The following PCSK5 variants were observed in gnomAD, a reference collection of about 807,000 sequenced individuals.
PCSK5 encodes prohormone convertase 5.
Under a neutral mutation model 233.2 loss-of-function variants are expected in PCSK5, and 129 were observed. The observed-to-expected ratio is 0.55, with a 90% CI of 0.48 to 0.64. The LOEUF (loss-of-function observed/expected upper bound fraction) is 0.64. Ranked by LOEUF, PCSK5 falls within the 30% of genes least tolerant of loss-of-function variation. PCSK5 has a pLI of 0.00. For missense variants in PCSK5, 2,076 were observed against 2,430.1 expected (o/e 0.85, Z 3.06); for synonymous variants, 825 against 879.2 (o/e 0.94, Z 1.09).
chr9:76,219,129 T>G (rs995811203), intron 20 of PCSK5, among the ~76,000 whole-genome samples: 1 of 152,142 alleles, frequency 6.6e-6, no homozygotes. Context: ...GGTATGCAGC[T>G]CCTCCTCTCT....
At chr9:76,006,809 C>T (rs17668141) in intron 3 of PCSK5, among the ~76,000 whole-genome samples, 46,864 of 151,938 alleles carry the variant, frequency 0.31, 7,699 homozygotes, top group Non-Finnish European at 0.38. Context: ...AAAATGTTTT[C>T]TAGAGGCTTG....
intron 2 of PCSK5, among the ~76,000 whole-genome samples, chr9:75,933,472 A>G (rs188514338): frequency 9.1e-4 from 139 of 152,352 alleles, no homozygotes; most frequent in African/African-American, 3.1e-3. Flanking sequence ...ACCAGTGCGC[A>G]TAGCAATCTC....
intron 5 of PCSK5, among the ~76,000 whole-genome samples, chr9:76,049,832 T>A (rs529949832): frequency 1.3e-5 from 2 of 152,356 alleles, no homozygotes; most frequent in South Asian, 4.1e-4. Context: ...TATAATATCA[T>A]CTTTCTCCAT....
chr9:76,025,575 A>G (rs1156351853), intron 4 of PCSK5, among the ~76,000 whole-genome samples: 3 of 152,074 alleles, frequency 2.0e-5, no homozygotes, highest in Non-Finnish European at 4.4e-5. Flanking sequence ...TTTACCCCGC[A>G]TCTGTATTCC....
In PCSK5 at chr9:76,310,803, G is replaced by T; in HGVS notation, c.3836G>T (p.Gly1279Val). ...TGCAAAAAATGCCAGATGCAGCCGG[G>T]CCACCCTCTCTTCCTCCATGAAGGC... ...DLCKKCQMQP[G>V]HPLFLHEGRC... The change falls in exon 30 of 38, where the codon GGC becomes GTC. Residue 1279 changes from glycine (G) to valine (V), a missense_variant. Around this residue, in one of 6 missense-constraint regions of PCSK5, gnomAD observed 1,510 missense variants for 1,538.1 expected, o/e 0.98. Coordinates refer to ENST00000674117, the MANE Select transcript of PCSK5 (RefSeq NM_001372043.1). The T allele has an allele frequency of 6.2e-7, 1 of 1,611,076 alleles. No homozygotes were observed. Among genetic ancestry groups the T allele is most frequent in the South Asian group, 1.1e-5 (1 of 90,650 alleles).
At chr9:76,106,900 G>T (rs1052008813) in intron 8 of PCSK5, among the ~76,000 whole-genome samples, 1 of 152,208 alleles carries the variant, frequency 6.6e-6, no homozygotes, top group Non-Finnish European at 1.5e-5. Flanking sequence ...GGCAAGGAAA[G>T]AACTTCAGTT....
intron 24 of PCSK5, among the ~76,000 whole-genome samples, chr9:76,245,405 C>T (rs1213571377): frequency 6.6e-6 from 1 of 152,006 alleles, no homozygotes; most frequent in Non-Finnish European, 1.5e-5. Flanking sequence ...CAAATATATG[C>T]ACCAAAAGGA....
At chr9:76,064,159 A>G (rs1830157747) in intron 5 of PCSK5, among the ~76,000 whole-genome samples, 3 of 119,180 alleles carry the variant, frequency 2.5e-5, no homozygotes, top group South Asian at 6.0e-4. Context: ...TCCCTCCCGG[A>G]CGGGGCGGCT....
intron 2 of PCSK5, among the ~76,000 whole-genome samples, chr9:75,972,808 C>T (rs1429619178): frequency 6.6e-6 from 1 of 152,158 alleles, no homozygotes; most frequent in Non-Finnish European, 1.5e-5. Flanking sequence ...TCCTCCTTCC[C>T]CCACCTTTCA....
intron 1 of PCSK5, among the ~76,000 whole-genome samples, chr9:75,897,947 C>T (rs1413290171): frequency 2.0e-5 from 3 of 152,168 alleles, no homozygotes; most frequent in African/African-American, 7.2e-5. Flanking sequence ...CAACCCCAAA[C>T]TGCTTAAAAC....
At chr9:76,009,472 C>G (rs1300741145) in intron 3 of PCSK5, among the ~76,000 whole-genome samples, 1 of 151,574 alleles carries the variant, frequency 6.6e-6, no homozygotes, top group East Asian at 2.0e-4. Flanking sequence ...ACTAAAAATA[C>G]AAAAATTAGC....
chr9:76,089,692 A>G (rs1831206964), intron 7 of PCSK5, among the ~76,000 whole-genome samples: 1 of 152,228 alleles, frequency 6.6e-6, no homozygotes, highest in South Asian at 2.1e-4. Context: ...AGGAGAAGAA[A>G]GTAATACTAA....
intron 1 of PCSK5, among the ~76,000 whole-genome samples, chr9:75,895,288 G>A (rs1444159678): frequency 6.6e-6 from 1 of 152,202 alleles, no homozygotes; most frequent in Non-Finnish European, 1.5e-5. Flanking sequence ...AGATAATAGA[G>A]TGAGTTAACT....
intron 20 of PCSK5, among the ~76,000 whole-genome samples, chr9:76,221,590 T>C (rs1825728397): frequency 6.6e-6 from 1 of 152,238 alleles, no homozygotes; most frequent in South Asian, 2.1e-4. Context: ...GGAGCTTGTA[T>C]GATTGCTACA....
chr9:76,142,028 A>G (rs778740015), intron 10 of PCSK5, among the ~76,000 whole-genome samples: 1 of 152,096 alleles, frequency 6.6e-6, no homozygotes, highest in Non-Finnish European at 1.5e-5. Flanking sequence ...ACTATTGGAT[A>G]CTGGGCTTAA....
chr9:75,988,046 T>C (rs1826599918), intron 3 of PCSK5, among the ~76,000 whole-genome samples: 1 of 152,220 alleles, frequency 6.6e-6, no homozygotes, highest in Non-Finnish European at 1.5e-5. Context: ...TTGGCTAGCC[T>C]GGTGGCTGAA....
intron 32 of PCSK5, among the ~76,000 whole-genome samples, chr9:76,326,102 C>T (rs1420797818): frequency 3.9e-5 from 6 of 152,100 alleles, no homozygotes; most frequent in East Asian, 3.9e-4. Context: ...CAGCCGGACA[C>T]GGTGGCTCAC....
At chr9:76,016,286 C>A (rs1269833843) in intron 3 of PCSK5, among the ~76,000 whole-genome samples, 1 of 152,166 alleles carries the variant, frequency 6.6e-6, no homozygotes, top group East Asian at 1.9e-4. Flanking sequence ...AACTCATGAA[C>A]AATTTTTTGC....
At chr9:76,002,447 A>G (rs1480413926) in intron 3 of PCSK5, among the ~76,000 whole-genome samples, 1 of 152,170 alleles carries the variant, frequency 6.6e-6, no homozygotes, top group Non-Finnish European at 1.5e-5. Context: ...CCTTCCTTGG[A>G]AGACCACTTT....
Sources: allele counts gnomAD v4.1 joint callset (sites outside exome capture counted in the v4.1 genomes callset), GRCh38; gene constraint gnomAD v4.1.1; regional missense constraint gnomAD v4.1.1; transcripts MANE v1.5; gene names NCBI Gene and HGNC (gene_info 2026-07-23, HGNC 2026-07-21).